Variants in SGO2 observed in about 807,000 individuals in gnomAD.
SGO2 encodes shugoshin-like 2.
Under a neutral mutation model 99.5 loss-of-function variants are expected in SGO2, and 68 were observed. The observed-to-expected ratio is 0.68, with a 90% CI of 0.56 to 0.84. The LOEUF (loss-of-function observed/expected upper bound fraction) is 0.84, where lower values mean the gene tolerates loss of function less well. Among genes scored for constraint, SGO2 ranks in the 40% least tolerant of loss-of-function variants. The probability of loss-of-function intolerance (pLI) is 0.00; values close to 1 mark genes in which losing one functional copy is unlikely to be tolerated. For missense variants in SGO2, 1,350 were observed against 1,436.7 expected (o/e 0.94, Z 0.97); for synonymous variants, 457 against 487.1 (o/e 0.94, Z 0.81).
intron 1 of SGO2, among the ~76,000 whole-genome samples, chr2:200,528,464 G>C (rs2031210613): frequency 6.6e-6 from 1 of 152,282 alleles, no homozygotes; most frequent in Admixed American, 6.5e-5. Flanking sequence ...GATATGAAAG[G>C]AACTTTCTGA....
rs772723739 is a variant in SGO2, at chr2:200,575,317, G to C, written c.3638G>C (p.Arg1213Thr). 3 of 1,562,774 alleles carry C rather than the reference G, an allele frequency of 1.9e-6. No individual in the cohort carries two copies. The African/African-American group carries it at 4.1e-5, about 21-fold the overall frequency. Residue 1213 changes from arginine (R) to threonine (T), a missense_variant, in exon 8 of 9, where the codon AGA (arginine) becomes ACA (threonine). Coordinates refer to ENST00000357799, the MANE Select transcript of SGO2 (RefSeq NM_152524.6). ...AAATAATATTCTTTTTCAGGTGATA[G>C]ACCATTACAGGACTTGTCAAATACC... ...RRTQKSGIGD[R>T]PLQDLSNTSF...
chr2:200,566,074 T>C (rs1488990269), intron 5 of SGO2, among the ~76,000 whole-genome samples: 1 of 152,210 alleles, frequency 6.6e-6, no homozygotes, highest in African/African-American at 2.4e-5. Flanking sequence ...TCTCCACTCA[T>C]CAAAGTCATT....
intron 1 of SGO2, among the ~76,000 whole-genome samples, chr2:200,527,858 A>G (rs759757051): frequency 1.1e-4 from 16 of 152,230 alleles, no homozygotes; most frequent in Non-Finnish European, 2.2e-4. Flanking sequence ...GTTAACGGAG[A>G]AAAATAAAAC....
Position 200,572,548 on chromosome 2 carries a change from T to C in SGO2, c.2202T>C (p.Ser734=), listed in dbSNP as rs200419277. Residue 734 remains serine, a synonymous_variant, in exon 7 of 9, where the codon AGT becomes AGC. Transcript: ENST00000357799. Reference sequence around the variant, plus strand: ...TGAATCATTTAGATAATGACAAAAGTATAGAATACACAGTTAAAAGTCACT... The same window carrying C: ...TGAATCATTTAGATAATGACAAAAGCATAGAATACACAGTTAAAAGTCACT... ...SEVNHLDNDK[S]IEYTVKSHSL... 1.9e-6 allele frequency: 3 copies of C among 1,611,946 alleles called. No individual in the cohort carries two copies. The highest frequency in any genetic ancestry group is 1.3e-5 in the African/African-American group (1 of 74,804).
chr2:200,528,519 A>G (rs1299188956), intron 1 of SGO2, among the ~76,000 whole-genome samples: 1 of 152,150 alleles, frequency 6.6e-6, no homozygotes, highest in Non-Finnish European at 1.5e-5. Context: ...TGAGCTAGGG[A>G]GGACATGGTG....
intron 4 of SGO2, among the ~76,000 whole-genome samples, chr2:200,538,538 T>A (rs370393970): frequency 6.6e-6 from 1 of 152,212 alleles, no homozygotes; most frequent in African/African-American, 2.4e-5. Flanking sequence ...GTTCATCCCA[T>A]CAGAATGTAA....
intron 5 of SGO2, among the ~76,000 whole-genome samples, chr2:200,546,623 A>G (rs1473725163): frequency 6.6e-6 from 1 of 152,100 alleles, no homozygotes; most frequent in African/African-American, 2.4e-5. Context: ...GATCTCCAAG[A>G]TAACAAAGAA....
At chr2:200,581,015 T>C (rs997324224) in intron 8 of SGO2, among the ~76,000 whole-genome samples, 5 of 152,206 alleles carry the variant, frequency 3.3e-5, no homozygotes, top group African/African-American at 1.2e-4. Flanking sequence ...TCCAGGTAGA[T>C]GAACCTTTCT....
chr2:200,563,175 A>G (rs967156635), intron 5 of SGO2, among the ~76,000 whole-genome samples: 4 of 152,010 alleles, frequency 2.6e-5, no homozygotes, highest in African/African-American at 9.7e-5. Context: ...TTGCCCATTC[A>G]AAACTGGAGG....
intron 8 of SGO2, among the ~76,000 whole-genome samples, chr2:200,582,469 C>T (rs981485123): frequency 2.6e-5 from 4 of 152,050 alleles, no homozygotes; most frequent in Non-Finnish European, 5.9e-5. Context: ...TGCTCAGCCC[C>T]AGGAAATAAC....
chr2:200,576,213 G>T, intron 8 of SGO2: 1 of 211,892 alleles, frequency 4.7e-6, no homozygotes, highest in Non-Finnish European at 9.3e-6. Context: ...AGGACCAAGG[G>T]GCCTTTTTTT....
At chr2:200,551,445 C>G (rs2032480166) in intron 5 of SGO2, among the ~76,000 whole-genome samples, 2 of 151,940 alleles carry the variant, frequency 1.3e-5, no homozygotes, top group Admixed American at 6.6e-5. Flanking sequence ...TTTGTGGTTA[C>G]CAGAGGCTGG....
rs2033395410 is a variant in SGO2 at position 200,571,083 on chromosome 2, C to T, written c.737C>T (p.Thr246Ile). The change falls in exon 7 of 9, where the codon ACT (threonine) becomes ATT (isoleucine). Residue 246 changes from threonine (T) to isoleucine (I), a missense_variant. Thr to Ile is a moderately conservative substitution (Grantham distance 89, BLOSUM62 -1). Coordinates refer to ENST00000357799, the MANE Select transcript of SGO2 (RefSeq NM_152524.6). ...SHSHSDQSSK[T>I]SLMSEMRNAQ... ...TCCCACTCAGACCAAAGTTCTAAGA[C>T]TTCTCTAATGAGTGAGATGAGAAAC... 2 of 1,603,440 alleles carry T rather than the reference C, an allele frequency of 1.2e-6. No individual in the cohort carries two copies. The highest frequency in any genetic ancestry group is 2.2e-5 in the East Asian group (1 of 44,776).
chr2:200,572,783 T>C lies in SGO2; in HGVS notation c.2437T>C (p.Cys813Arg). 6.2e-7 allele frequency: 1 copy of C among 1,612,910 alleles called. No homozygotes were observed. ...AGGTAAGAAGCCTAGACTAAATGTA[T>C]GTCAAAAGTCAGAAATAATTCCTGA... ...KIGKKPRLNV[C>R]QKSEIIPETN... Residue 813 changes from cysteine (C) to arginine (R), a missense_variant, in exon 7 of 9, where the codon TGT (cysteine) becomes CGT (arginine). By Grantham distance (180) the Cys-to-Arg change is radical. Transcript: ENST00000357799.
intron 5 of SGO2, among the ~76,000 whole-genome samples, chr2:200,547,878 C>G (rs1433272596): frequency 6.6e-6 from 1 of 151,832 alleles, no homozygotes; most frequent in African/African-American, 2.4e-5. Context: ...AGATAAACTA[C>G]AAAGACTGTA....
intron 8 of SGO2, 97 bp downstream of exon 8, chr2:200,575,558 A>G (rs981695980): frequency 7.0e-6 from 6 of 862,210 alleles, no homozygotes; most frequent in Non-Finnish European, 7.0e-6. Context: ...ATAATTCAAT[A>G]AAATGTATAT....
intron 4 of SGO2, among the ~76,000 whole-genome samples, chr2:200,541,646 T>G (rs1195748244): frequency 6.6e-6 from 1 of 152,194 alleles, no homozygotes; most frequent in African/African-American, 2.4e-5. Context: ...AAAAAGAATA[T>G]GAAACAGGAT....
In SGO2 at chr2:200,572,354, C is replaced by T; in HGVS notation, c.2008C>T (p.Pro670Ser). The T allele has an allele frequency of 6.2e-7, 1 of 1,611,848 alleles. No individual in the cohort carries two copies. The highest frequency in any genetic ancestry group is 8.5e-7 in the Non-Finnish European group (1 of 1,179,234). The part of the protein sequence containing the change: ...NIEVSKELQI[P>S]ALSTRDNENQ... Reference sequence around the variant, plus strand: ...AGAAGTTTCCAAAGAGCTTCAAATCCCAGCTCTTTCTACTAGAGATAATGA... The same window carrying T: ...AGAAGTTTCCAAAGAGCTTCAAATCTCAGCTCTTTCTACTAGAGATAATGA... The change falls in exon 7 of 9, where the codon CCA becomes TCA. Residue 670 changes from proline (P) to serine (S), a missense_variant. Transcript: ENST00000357799.
chr2:200,562,385 T>C (rs1355619762), intron 5 of SGO2, among the ~76,000 whole-genome samples: 3 of 152,152 alleles, frequency 2.0e-5, no homozygotes, highest in African/African-American at 7.2e-5. Context: ...GGTATTATTT[T>C]TGAGGGTTCT....
Sources: allele counts gnomAD v4.1 joint callset (sites outside exome capture counted in the v4.1 genomes callset), GRCh38; gene constraint gnomAD v4.1.1; transcripts MANE v1.5; gene names NCBI Gene and HGNC (gene_info 2026-07-23, HGNC 2026-07-21).